The following GAB2 variants were observed in gnomAD, a reference collection of about 807,000 sequenced individuals.
The protein encoded by GAB2 is GRB2-associated-binding protein 2.
Under a neutral mutation model 65.5 loss-of-function variants are expected in GAB2, and 26 were observed. The observed-to-expected ratio is 0.40, with a 90% CI of 0.29 to 0.55. The LOEUF (loss-of-function observed/expected upper bound fraction) is 0.55, where lower values mean the gene tolerates loss of function less well. Among genes scored for constraint, GAB2 ranks in the 20% least tolerant of loss-of-function variants. The probability of loss-of-function intolerance (pLI) is 0.53; values close to 1 mark genes in which losing one functional copy is unlikely to be tolerated. For synonymous variants in GAB2, 321 were observed against 329.6 expected, an observed-to-expected ratio of 0.97 and a Z score of 0.28; for missense variants, 884 against 875.8, an observed-to-expected ratio of 1.01 and a Z score of -0.12.
chr11:78,296,862 G>A (rs1458598860), intron 1 of GAB2, among the ~76,000 whole-genome samples: 3 of 152,196 alleles, frequency 2.0e-5, no homozygotes. Context: ...CAAGGCACCA[G>A]CAGATTTGGT....
At chr11:78,235,026 A>AG (rs1483214327) in intron 3 of GAB2, among the ~76,000 whole-genome samples, 1 of 151,940 alleles carries the variant, frequency 6.6e-6, no homozygotes, top group Admixed American at 6.6e-5. Context: ...GGCCACCGGG[A>AG]GGGGCTGCCA....
chr11:78,222,537 T>A (rs543581055), intron 6 of GAB2, among the ~76,000 whole-genome samples: 1 of 148,224 alleles, frequency 6.7e-6, no homozygotes, highest in South Asian at 2.1e-4. Context: ...ATTTATATAT[T>A]AATATATTAA....
chr11:78,323,796 T>C (rs1201172743), intron 1 of GAB2, among the ~76,000 whole-genome samples: 1 of 136,562 alleles, frequency 7.3e-6, no homozygotes, highest in Non-Finnish European at 1.6e-5. Flanking sequence ...CTTTCTTTTT[T>C]TTTTTTTTTT....
intron 3 of GAB2, among the ~76,000 whole-genome samples, chr11:78,228,988 T>A (rs924481980): frequency 6.6e-6 from 1 of 152,192 alleles, no homozygotes; most frequent in Non-Finnish European, 1.5e-5. Flanking sequence ...CTAATTTCCA[T>A]CTGGGCCAGG....
At chr11:78,223,324 C>T (rs1048688197) in intron 6 of GAB2, 88 bp downstream of exon 6, 5 of 1,143,704 alleles carry the variant, frequency 4.4e-6, no homozygotes, top group African/African-American at 1.6e-5. Context: ...TCACACCTCT[C>T]AAGTCCAGGA....
intron 1 of GAB2, among the ~76,000 whole-genome samples, chr11:78,347,797 G>T (rs1020991727): frequency 4.6e-5 from 7 of 152,086 alleles, no homozygotes; most frequent in Non-Finnish European, 2.9e-5. Context: ...TTCCTCAAAT[G>T]ATACAATTAA....
chr11:78,288,826 T>C (rs1270251215), intron 1 of GAB2, among the ~76,000 whole-genome samples: 1 of 152,230 alleles, frequency 6.6e-6, no homozygotes, highest in African/African-American at 2.4e-5. Context: ...AAGATTGTTC[T>C]AAAATGTATA....
At chr11:78,413,391 T>A (rs189171151) in intron 1 of GAB2, among the ~76,000 whole-genome samples, 5 of 152,320 alleles carry the variant, frequency 3.3e-5, no homozygotes, top group Admixed American at 3.3e-4. Flanking sequence ...CAGGCATTTA[T>A]AGTGTCAGCC....
intron 2 of GAB2, among the ~76,000 whole-genome samples, chr11:78,265,219 TATATAA>T (rs567149762): frequency 1.2e-3 from 177 of 141,768 alleles, no homozygotes; most frequent in African/African-American, 4.3e-3. Flanking sequence ...TATATATATA[TATATAA>T]AAGCACTCTA....
intron 1 of GAB2, among the ~76,000 whole-genome samples, chr11:78,416,711 A>G (rs778570864): frequency 2.2e-4 from 33 of 152,026 alleles, no homozygotes; most frequent in Non-Finnish European, 4.1e-4. Flanking sequence ...ATTTCGGCCA[A>G]ATCTCAGTAA....
At chr11:78,289,420 T>C (rs899276514) in intron 1 of GAB2, among the ~76,000 whole-genome samples, 2 of 152,068 alleles carry the variant, frequency 1.3e-5, no homozygotes, top group Admixed American at 6.5e-5. Context: ...GAAAAAAAGG[T>C]GAAAATCTTT....
intron 1 of GAB2, among the ~76,000 whole-genome samples, chr11:78,293,016 T>C (rs1304603630): frequency 2.6e-5 from 4 of 152,184 alleles, no homozygotes; most frequent in Non-Finnish European, 4.4e-5. Flanking sequence ...TGCAGATGAA[T>C]TGCTCACTAC....
intron 1 of GAB2, among the ~76,000 whole-genome samples, chr11:78,364,666 T>C (rs1856475455): frequency 6.6e-6 from 1 of 152,176 alleles, no homozygotes; most frequent in Non-Finnish European, 1.5e-5. Flanking sequence ...TCCAAACATA[T>C]TACTAACAAC....
At chr11:78,334,643 C>T (rs1273766223) in intron 1 of GAB2, among the ~76,000 whole-genome samples, 1 of 152,224 alleles carries the variant, frequency 6.6e-6, no homozygotes, top group Non-Finnish European at 1.5e-5. Flanking sequence ...TTTCTTTACC[C>T]ATTCAACTGC....
At chr11:78,250,435 G>T in intron 2 of GAB2, 35 bp from the exon 3 acceptor site, 1 of 1,596,608 alleles carries the variant, frequency 6.3e-7, no homozygotes, top group South Asian at 1.1e-5. Flanking sequence ...AATGAAAAAG[G>T]AAGGAAATGT....
Position 78,240,848 on chromosome 11 carries a change from G to A in GAB2, c.620+9309C>T, listed in dbSNP as rs1218489290. Among the ~76,000 whole-genome samples, 5 of 152,314 alleles carry A rather than the reference G, an allele frequency of 3.3e-5. No individual in the cohort carries two copies. The East Asian group carries it at 9.7e-4, about 29-fold the overall frequency. On this transcript the variant is annotated intron_variant, in intron 3 of 9. Transcript: ENST00000361507. ...GAGGGTTCAACAGAGTCATATCATA[G>A]ATCCTGGCCCGGAGGGCAGTCCACA...
chr11:78,336,548 G>A (rs188769532), intron 1 of GAB2, among the ~76,000 whole-genome samples: 1 of 150,782 alleles, frequency 6.6e-6, no homozygotes, highest in Admixed American at 6.6e-5. Flanking sequence ...AGCAAACAAG[G>A]ATAATTTGAC....
chr11:78,261,570 C>T (rs924719242), intron 2 of GAB2, among the ~76,000 whole-genome samples: 2 of 152,176 alleles, frequency 1.3e-5, no homozygotes, highest in Non-Finnish European at 2.9e-5. Flanking sequence ...TTATACCTAT[C>T]GTACCCCTTA....
intron 1 of GAB2, among the ~76,000 whole-genome samples, chr11:78,315,464 A>C (rs1334326014): frequency 1.3e-5 from 2 of 152,202 alleles, no homozygotes; most frequent in East Asian, 3.9e-4. Context: ...GGAAAACTGG[A>C]TATCCACATG....
Sources: allele counts gnomAD v4.1 joint callset (sites outside exome capture counted in the v4.1 genomes callset), GRCh38; gene constraint gnomAD v4.1.1; transcripts MANE v1.5; gene names NCBI Gene and HGNC (gene_info 2026-07-23, HGNC 2026-07-21).